SREK1: variants seen among roughly 807,000 people sequenced by gnomAD.
The protein encoded by SREK1 is splicing regulatory glutamine/lysine-rich protein 1.
SREK1 carries 13 observed loss-of-function variants against 66.5 expected under a neutral mutation model. The observed-to-expected ratio is 0.20, with a 90% CI of 0.13 to 0.31. The LOEUF (loss-of-function observed/expected upper bound fraction) is 0.31. SREK1 is among the 10% of genes least tolerant of loss of function. SREK1 has a pLI of 1.00. For missense variants in SREK1, 607 were observed against 769.6 expected (o/e 0.79, Z 2.50); for synonymous variants, 265 against 263.5 (o/e 1.01, Z -0.05).
In SREK1 at chr5:66,144,459, C is replaced by T. The variant is rs1742968719; in HGVS notation, c.83C>T (p.Ser28Leu). ...TSVIQVTNLS[S>L]AVTSEQMRTL... ...GTGATTCAGGTGACGAATCTGTCGT[C>T]GGCGGTGACCAGCGAGCAGATGCGG... The change falls in exon 1 of 12, where the codon TCG becomes TTG. Residue 28 changes from serine to leucine, a missense_variant. Transcript: ENST00000334121. The T allele has an allele frequency of 1.9e-6, 3 of 1,552,424 alleles. No homozygotes were observed. The highest frequency in any genetic ancestry group is 2.6e-6 in the Non-Finnish European group (3 of 1,147,404).
rs1580691555 is a variant in SREK1, at chr5:66,181,873, G to A, written c.*3005G>A. The A allele has an allele frequency of 1.6e-5, 2 of 128,458 alleles. No individual in the cohort carries two copies. The highest frequency in any genetic ancestry group is 4.9e-4 in the East Asian group (2 of 4,068). 8.0% of individuals were successfully genotyped at this position (128,458 alleles called of 1,614,324 possible). On this transcript the variant is annotated 3_prime_UTR_variant, in exon 12 of 12. Coordinates refer to ENST00000334121, the MANE Select transcript of SREK1 (RefSeq NM_001077199.3). ...CCTGCTCAATTAAAAATAAACACTGGCGTTTATAATGAAAAGGTTTTTTTG... is the reference window on the plus strand; with the variant it reads ...CCTGCTCAATTAAAAATAAACACTGACGTTTATAATGAAAAGGTTTTTTTG...
In SREK1 at chr5:66,163,843, G is replaced by T. The variant is rs750348070; in HGVS notation, c.807G>T (p.Gln269His). ...AIVKPPEMTP[Q>H]AAAKELEEVM... is the part of the protein sequence containing the mutation. ...TAAAACCCCCTGAGATGACACCTCA[G>T]GCTGCAGCTAAGGAGTTAGAAGAAG... Residue 269 changes from glutamine to histidine, a missense_variant, in exon 6 of 12, where the codon CAG becomes CAT. Around this residue, in one of 5 missense-constraint regions of SREK1, gnomAD observed 112 missense variants for 168.6 expected, o/e 0.66. Transcript: ENST00000334121. 1.2e-6 allele frequency: 2 copies of T among 1,613,774 alleles called. No homozygotes were observed. The highest frequency in any genetic ancestry group is 1.7e-6 in the Non-Finnish European group (2 of 1,179,718).
At chr5:66,177,710 A>G (rs1283273085) in intron 11 of SREK1, 52 bp downstream of exon 11, 2 of 1,510,396 alleles carry the variant, frequency 1.3e-6, no homozygotes, top group African/African-American at 2.8e-5. Flanking sequence ...TTTATTGCAT[A>G]CAAATGGTTT....
At chr5:66,151,507 G>A (rs781585468) in intron 1 of SREK1, among the ~76,000 whole-genome samples, 37 of 152,276 alleles carry the variant, frequency 2.4e-4, no homozygotes, top group Middle Eastern at 3.4e-3. Flanking sequence ...ACTGAAATAT[G>A]GAATGCAGGG....
At position 66,170,910 on chromosome 5, in the gene SREK1, A is replaced by G. The variant is rs1194282260; in HGVS notation, c.1447A>G (p.Ser483Gly). The G allele has an allele frequency of 1.2e-6, 2 of 1,610,946 alleles. No individual in the cohort carries two copies. The highest frequency in any genetic ancestry group is 8.5e-7 in the Non-Finnish European group (1 of 1,179,328). ...TAAAAAATCCAGAACACCACCCAGG[A>G]GTTACAATGCATCGCGAAGATCTCG... ...KDKKSRTPPRSYNASRRSRSS... is the reference protein window; with the variant it reads ...KDKKSRTPPRGYNASRRSRSS... The change falls in exon 9 of 12, where the codon AGT (serine) becomes GGT (glycine). Residue 483 changes from serine to glycine, a missense_variant. Coordinates refer to ENST00000334121, the MANE Select transcript of SREK1 (RefSeq NM_001077199.3).
At chr5:66,151,463 C>T (rs1290408289) in intron 1 of SREK1, among the ~76,000 whole-genome samples, 1 of 152,058 alleles carries the variant, frequency 6.6e-6, no homozygotes, top group African/African-American at 2.4e-5. Flanking sequence ...CTAGTGACTC[C>T]TAGGTTTCGG....
In SREK1 at chr5:66,183,354, A is replaced by G. The variant is rs1315341108; in HGVS notation, c.*4486A>G. The stretch of plus-strand genomic sequence containing the variant: ...AACTAAAGAATTTCTGATTTCTACA[A>G]TAGATTTAAGTATGAAATTTGAGTA... On this transcript the variant is annotated 3_prime_UTR_variant, in exon 12 of 12. Transcript: ENST00000334121. The G allele has an allele frequency of 6.6e-6, 1 of 152,212 alleles. No homozygotes were observed. Among genetic ancestry groups the G allele is most frequent in the Non-Finnish European group, 1.5e-5 (1 of 68,026 alleles). 9.4% of individuals were successfully genotyped at this position (152,212 alleles called of 1,614,324 possible). A position where few individuals can be genotyped will look rare whatever the true frequency, so the allele number is the denominator to read the frequency against.
chr5:66,167,500 C>T (rs1745271433), intron 7 of SREK1: 1 of 152,094 alleles, frequency 6.6e-6, no homozygotes, highest in African/African-American at 2.4e-5. Context: ...CAGAATAATA[C>T]AATTTCGCAT....
chr5:66,176,831 T>C (rs1282136861), intron 10 of SREK1, among the ~76,000 whole-genome samples: 1 of 152,130 alleles, frequency 6.6e-6, no homozygotes, highest in Non-Finnish European at 1.5e-5. Flanking sequence ...ATATTTATTT[T>C]TTTAATCCCA....
intron 1 of SREK1, chr5:66,145,038 C>G (rs748548224): frequency 2.0e-4 from 196 of 985,950 alleles, no homozygotes; most frequent in Non-Finnish European, 2.2e-4. Flanking sequence ...GTGTTTGTTT[C>G]CCAGGACGGT....
In SREK1 at chr5:66,170,631, G is replaced by A. The variant is rs2112076823; in HGVS notation, c.1168G>A (p.Val390Met). 1.2e-6 allele frequency: 2 copies of A among 1,612,622 alleles called. No homozygotes were observed. Among genetic ancestry groups the A allele is most frequent in the South Asian group, 2.2e-5 (2 of 90,594 alleles). The change falls in exon 9 of 12, where the codon GTG becomes ATG. Residue 390 changes from valine (V) to methionine (M), a missense_variant. Val to Met is a conservative substitution (Grantham distance 21). Transcript: ENST00000334121. Reference sequence around the variant, plus strand: ...AGAAAAGATCAAGGAAAAGGAAAGAGTGAAAGAGAAAGACAGGGAAAAGGA... The same window carrying A: ...AGAAAAGATCAAGGAAAAGGAAAGAATGAAAGAGAAAGACAGGGAAAAGGA... ...TREKIKEKER[V>M]KEKDREKERE...
At chr5:66,155,937 G>A (rs925554385) in intron 2 of SREK1, 2 of 1,366,364 alleles carry the variant, frequency 1.5e-6, no homozygotes, top group Admixed American at 4.8e-5. Context: ...AAAAGATACG[G>A]TCAAACATAA....
At chr5:66,175,123 T>G (rs1484631237) in intron 10 of SREK1, 82 bp downstream of exon 10, 18 of 1,152,592 alleles carry the variant, frequency 1.6e-5, no homozygotes, top group Non-Finnish European at 2.2e-5. Flanking sequence ...TCTTTATTTT[T>G]TAAACTTTAT....
chr5:66,151,417 G>C (rs1300952746), intron 1 of SREK1, among the ~76,000 whole-genome samples: 1 of 152,158 alleles, frequency 6.6e-6, no homozygotes, highest in Non-Finnish European at 1.5e-5. Context: ...AAAGAGCTTT[G>C]GAAGTAGTTG....
intron 9 of SREK1, 95 bp from the exon 10 acceptor site, chr5:66,174,851 A>G (rs1259347590): frequency 1.2e-5 from 14 of 1,124,264 alleles, no homozygotes; most frequent in Non-Finnish European, 1.7e-5. Flanking sequence ...AATACTGTTC[A>G]TATGAGAATA....
intron 1 of SREK1, among the ~76,000 whole-genome samples, chr5:66,148,552 G>A (rs1212785114): frequency 6.6e-6 from 1 of 152,068 alleles, no homozygotes; most frequent in Non-Finnish European, 1.5e-5. Flanking sequence ...TTAAGTCAAC[G>A]AATGAGGTCA....
At chr5:66,144,805 T>C in intron 1 of SREK1, 1 of 1,169,914 alleles carries the variant, frequency 8.5e-7, no homozygotes, top group Non-Finnish European at 1.1e-6. Flanking sequence ...TGTTCGCTGC[T>C]GGGTCTTCGA....
chr5:66,154,167 G>A (rs898362786), intron 2 of SREK1, among the ~76,000 whole-genome samples: 2 of 151,978 alleles, frequency 1.3e-5, no homozygotes, highest in South Asian at 2.1e-4. Flanking sequence ...GAGGAGTGTT[G>A]GAAAAAAAGG....
intron 9 of SREK1, among the ~76,000 whole-genome samples, chr5:66,173,798 G>A (rs1283771552): frequency 6.6e-6 from 1 of 152,196 alleles, no homozygotes; most frequent in Non-Finnish European, 1.5e-5. Context: ...CTTAGGCTGA[G>A]CTGTTAAGAG....
Sources: allele counts gnomAD v4.1 joint callset (sites outside exome capture counted in the v4.1 genomes callset), GRCh38; gene constraint gnomAD v4.1.1; regional missense constraint gnomAD v4.1.1; transcripts MANE v1.5; gene names NCBI Gene and HGNC (gene_info 2026-07-23, HGNC 2026-07-21).